Variants in FOXN3 observed in about 807,000 individuals in gnomAD.
FOXN3 encodes forkhead box protein N3.
A neutral mutation model predicts 38.4 loss-of-function variants in FOXN3; 7 were observed. That is an observed-to-expected ratio of 0.18 (90% confidence interval 0.10 to 0.34). The LOEUF is 0.34. Among genes scored for constraint, FOXN3 ranks in the 10% least tolerant of loss-of-function variants. The pLI, the probability that FOXN3 is intolerant of heterozygous loss-of-function variation, is 1.00. For missense variants in FOXN3, 456 were observed against 613.4 expected (o/e 0.74, Z 2.71); for synonymous variants, 230 against 242.2 (o/e 0.95, Z 0.47).
intron 2 of FOXN3, among the ~76,000 whole-genome samples, chr14:89,358,018 G>C (rs1334524265): frequency 2.6e-5 from 4 of 152,104 alleles, no homozygotes; most frequent in Non-Finnish European, 4.4e-5. Flanking sequence ...CTCTGTAATA[G>C]GGGTTAGTAA....
At chr14:89,395,020 T>C (rs1341875237) in intron 2 of FOXN3, among the ~76,000 whole-genome samples, 1 of 152,200 alleles carries the variant, frequency 6.6e-6, no homozygotes, top group East Asian at 1.9e-4. Context: ...AGGATTTTAT[T>C]CTGACACTTC....
chr14:89,388,667 A>T (rs896187298), intron 2 of FOXN3, among the ~76,000 whole-genome samples: 6 of 152,052 alleles, frequency 3.9e-5, no homozygotes, highest in African/African-American at 1.4e-4. Flanking sequence ...CAGGAAGGCG[A>T]GCAGGAGGGC....
At chr14:89,474,039 G>A (rs140249775) in intron 1 of FOXN3, among the ~76,000 whole-genome samples, 222 of 152,298 alleles carry the variant, frequency 1.5e-3, no homozygotes, top group Middle Eastern at 0.014. Context: ...AGCTGTGACC[G>A]ATAACATCTT....
At chr14:89,297,729 G>A (rs893101859) in intron 3 of FOXN3, among the ~76,000 whole-genome samples, 1 of 152,172 alleles carries the variant, frequency 6.6e-6, no homozygotes, top group African/African-American at 2.4e-5. Flanking sequence ...TATAATCCCA[G>A]CATTTTGGGA....
At chr14:89,429,850 A>G (rs933191182) in intron 1 of FOXN3, among the ~76,000 whole-genome samples, 2 of 152,212 alleles carry the variant, frequency 1.3e-5, no homozygotes, top group East Asian at 3.8e-4. Flanking sequence ...CTCAAGACAA[A>G]CAGTAAAGTA....
chr14:89,313,144 C>T (rs1887611768), intron 3 of FOXN3, among the ~76,000 whole-genome samples: 1 of 152,202 alleles, frequency 6.6e-6, no homozygotes, highest in Non-Finnish European at 1.5e-5. Flanking sequence ...AGGTCTAAGT[C>T]TCTGCATGTT....
intron 2 of FOXN3, among the ~76,000 whole-genome samples, chr14:89,408,018 T>C (rs1891438932): frequency 6.6e-6 from 1 of 152,192 alleles, no homozygotes; most frequent in African/African-American, 2.4e-5. Context: ...AATAAAACTC[T>C]TATCTTCTGA....
At chr14:89,314,151 T>A (rs1887656567) in intron 3 of FOXN3, among the ~76,000 whole-genome samples, 3 of 152,236 alleles carry the variant, frequency 2.0e-5, no homozygotes, top group South Asian at 2.1e-4. Flanking sequence ...AAGAAAATTT[T>A]AAAAATTTTT....
Position 89,298,642 on chromosome 14 carries a change from A to T in FOXN3, c.681-17628T>A, listed in dbSNP as rs114147295. ...ACACCTCTGCTGCTCCACTGCCAGG[A>T]TCTAGAAATAAGGGCTGGTTTCCTC... On this transcript the variant is annotated intron_variant, in intron 3 of 5. Transcript: ENST00000557258. 2.9e-3 allele frequency among the ~76,000 whole-genome samples: 438 copies of T among 152,256 alleles called. 4 individuals are homozygous for T. The highest frequency in any genetic ancestry group is 9.9e-3 in the African/African-American group (412 of 41,556).
rs563833395 is a variant in FOXN3, at chr14:89,585,850, G to A, written c.-15+33178C>T. 3.3e-5 allele frequency among the ~76,000 whole-genome samples: 5 copies of A among 152,062 alleles called. No homozygotes were observed. In the South Asian group the frequency reaches 6.2e-4, roughly 19 times the overall value. On this transcript the variant is annotated intron_variant, in intron 1 of 6. Coordinates refer to the FOXN3 transcript ENST00000345097. Reference sequence around the variant, plus strand: ...ATTACATAGTATGCTGAAAGATGAAGAGCGTTTGGCAAAAAGAAAAGGTAG... The same window carrying A: ...ATTACATAGTATGCTGAAAGATGAAAAGCGTTTGGCAAAAAGAAAAGGTAG...
intron 2 of FOXN3, among the ~76,000 whole-genome samples, chr14:89,358,579 T>A (rs1290544282): frequency 6.6e-6 from 1 of 152,200 alleles, no homozygotes; most frequent in Non-Finnish European, 1.5e-5. Flanking sequence ...CTTAGTTTCC[T>A]CATCTATAAA....
chr14:89,415,732 G>GA (rs1168481751), intron 1 of FOXN3, among the ~76,000 whole-genome samples: 1 of 142,516 alleles, frequency 7.0e-6, no homozygotes, highest in Non-Finnish European at 1.5e-5. Flanking sequence ...GAAAAAAAAA[G>GA]AATCTGGATC....
chr14:89,233,069 C>T (rs1407930855), intron 4 of FOXN3, among the ~76,000 whole-genome samples: 1 of 152,190 alleles, frequency 6.6e-6, no homozygotes, highest in Non-Finnish European at 1.5e-5. Flanking sequence ...ATAGAAATTA[C>T]ATTCGAGGGC....
chr14:89,246,124 T>C (rs1430302644), intron 4 of FOXN3, among the ~76,000 whole-genome samples: 1 of 152,224 alleles, frequency 6.6e-6, no homozygotes, highest in Non-Finnish European at 1.5e-5. Context: ...CGCTGAATTG[T>C]ACTTTAAATA....
At chr14:89,255,377 T>G (rs1052638182) in intron 4 of FOXN3, among the ~76,000 whole-genome samples, 3 of 151,954 alleles carry the variant, frequency 2.0e-5, no homozygotes, top group African/African-American at 7.2e-5. Flanking sequence ...TGAAGATGAA[T>G]TACTGTTGGT....
intron 3 of FOXN3, among the ~76,000 whole-genome samples, chr14:89,341,928 A>T (rs1009577240): frequency 1.3e-5 from 2 of 152,182 alleles, no homozygotes; most frequent in African/African-American, 2.4e-5. Context: ...CTATCCCGAG[A>T]AGTAAATACT....
chr14:89,578,509 TGCAACAG>T (rs1252070716), intron 1 of FOXN3, among the ~76,000 whole-genome samples: 2 of 152,282 alleles, frequency 1.3e-5, no homozygotes, highest in East Asian at 3.9e-4. Context: ...CCCTGACACG[TGCAACAG>T]GCATCTCAAA....
At chr14:89,167,501 G>A (rs1887272406) in intron 5 of FOXN3, among the ~76,000 whole-genome samples, 1 of 152,170 alleles carries the variant, frequency 6.6e-6, no homozygotes, top group East Asian at 1.9e-4. Context: ...AAAGTAGATG[G>A]GATTAATGGG....
chr14:89,161,556 C>CGTGTGCGTGTGTGTGT lies in FOXN3; in HGVS notation c.*857_*858insACACACACACGCACAC, dbSNP rs1887099595. ...CCATCAGTTTTCTCTCTCTCTCCTT[C>CGTGTGCGTGTGTGTGT]GTGTGTGTGTGTGTGTGTGTGTGTG... On this transcript the variant is annotated 3_prime_UTR_variant, in exon 6 of 6. Coordinates refer to ENST00000557258, the MANE Select transcript of FOXN3 (RefSeq NM_005197.4). The CGTGTGCGTGTGTGTGT allele has an allele frequency of 9.1e-6, 1 of 109,390 alleles. No individual in the cohort carries two copies. The highest frequency in any genetic ancestry group is 3.1e-5 in the African/African-American group (1 of 32,510). The allele number at this position is 109,390 out of a possible 1,614,324, so 6.8% of individuals were successfully genotyped here.
Sources: gnomAD v4.1 joint callset for allele counts (sites outside exome capture counted in the v4.1 genomes callset) on GRCh38, gnomAD v4.1.1 for gene constraint, MANE v1.5 for transcripts, NCBI Gene and HGNC (gene_info 2026-07-23, HGNC 2026-07-21) for gene names.